The following PDZD8 variants were observed in gnomAD, a reference collection of about 807,000 sequenced individuals.
PDZD8 encodes the protein PDZ domain-containing protein 8.
Under a neutral mutation model 85.8 loss-of-function variants are expected in PDZD8, and 14 were observed. The observed-to-expected ratio is 0.16, with a 90% CI of 0.11 to 0.26. The LOEUF (loss-of-function observed/expected upper bound fraction) is 0.26. Ranked by LOEUF, PDZD8 falls within the 10% of genes least tolerant of loss-of-function variation. PDZD8 has a pLI of 1.00. For synonymous variants in PDZD8, 592 were observed against 568.6 expected (o/e 1.04, Z -0.59); for missense variants, 1,197 against 1,424.3 (o/e 0.84, Z 2.57).
chr10:117,342,743 G>A (rs1434699798), intron 1 of PDZD8, among the ~76,000 whole-genome samples: 1 of 152,166 alleles, frequency 6.6e-6, no homozygotes, highest in Non-Finnish European at 1.5e-5. Flanking sequence ...CTCCCACATG[G>A]CCTCCCAAAG....
At chr10:117,353,375 C>T (rs1844839760) in intron 1 of PDZD8, among the ~76,000 whole-genome samples, 1 of 152,046 alleles carries the variant, frequency 6.6e-6, no homozygotes, top group Admixed American at 6.6e-5. Flanking sequence ...TTATTCCAGT[C>T]CTCCAAGAAA....
At chr10:117,328,761 G>A (rs563560660) in intron 2 of PDZD8, among the ~76,000 whole-genome samples, 2 of 152,100 alleles carry the variant, frequency 1.3e-5, no homozygotes, top group East Asian at 1.9e-4. Flanking sequence ...TCTATTTGCA[G>A]AACAGAAGCT....
chr10:117,309,308 AAG>A (rs1461590326), intron 3 of PDZD8, among the ~76,000 whole-genome samples: 15 of 152,138 alleles, frequency 9.9e-5, no homozygotes, highest in Non-Finnish European at 1.9e-4. Context: ...ATATGAAAAA[AAG>A]AGAGCTTAAA....
intron 1 of PDZD8, among the ~76,000 whole-genome samples, chr10:117,372,977 G>C (rs551947300): frequency 6.5e-4 from 99 of 152,228 alleles, no homozygotes; most frequent in African/African-American, 2.3e-3. Context: ...TAAAAGGCAA[G>C]TAAAATTAGG....
chr10:117,341,428 A>G (rs1379456011), intron 1 of PDZD8, among the ~76,000 whole-genome samples: 1 of 152,168 alleles, frequency 6.6e-6, no homozygotes, highest in African/African-American at 2.4e-5. Context: ...GAGTGTTCCT[A>G]CGGTACAAGA....
intron 3 of PDZD8, among the ~76,000 whole-genome samples, chr10:117,295,734 C>T (rs1843745197): frequency 6.6e-6 from 1 of 151,802 alleles, no homozygotes; most frequent in Admixed American, 6.6e-5. Flanking sequence ...ATCGTGTTAA[C>T]AAAACAATGG....
chr10:117,290,112 A>G (rs1844730813), intron 4 of PDZD8, 74 bp downstream of exon 4: 1 of 1,310,230 alleles, frequency 7.6e-7, no homozygotes, highest in African/African-American at 1.5e-5. Flanking sequence ...GGAAAAAGGA[A>G]GAAAGGAAAA....
At chr10:117,289,567 T>C (rs1844720942) in intron 4 of PDZD8, among the ~76,000 whole-genome samples, 1 of 152,214 alleles carries the variant, frequency 6.6e-6, no homozygotes, top group Non-Finnish European at 1.5e-5. Flanking sequence ...GCAAATAACC[T>C]GCTATCTTCA....
At position 117,374,666 on chromosome 10, in the gene PDZD8, C is replaced by T; in HGVS notation, c.562G>A (p.Glu188Lys). ...EGEALPAACPEELAFEAEVEY... is the reference protein window; with the variant it reads ...EGEALPAACPKELAFEAEVEY... Reference sequence around the variant, plus strand: ...ACCTCCGCCTCGAAGGCCAGCTCCTCGGGGCAGGCGGCGGGCAGCGCCTCC... The same window carrying T: ...ACCTCCGCCTCGAAGGCCAGCTCCTTGGGGCAGGCGGCGGGCAGCGCCTCC... Residue 188 changes from glutamate (E) to lysine (K), a missense_variant, in exon 1 of 5, where the codon GAG becomes AAG. By Grantham distance (56) the Glu-to-Lys change is moderately conservative (BLOSUM62 1). This residue lies in a region of PDZD8 where 344 missense variants were observed against 453.6 expected (regional missense o/e 0.76). Coordinates refer to ENST00000334464, the MANE Select transcript of PDZD8 (RefSeq NM_173791.5). The surrounding 1 kb of genome is among the most constrained non-coding windows in gnomAD (Gnocchi z 7.8). 1 of 1,587,116 alleles carries T rather than the reference C, an allele frequency of 6.3e-7. No individual in the cohort carries two copies. Among genetic ancestry groups the T allele is most frequent in the East Asian group, 2.3e-5 (1 of 43,512 alleles).
At chr10:117,319,727 T>C (rs1844196680) in intron 2 of PDZD8, among the ~76,000 whole-genome samples, 1 of 152,128 alleles carries the variant, frequency 6.6e-6, no homozygotes, top group African/African-American at 2.4e-5. Context: ...CGAGATTATA[T>C]AATATAGTTT....
intron 1 of PDZD8, among the ~76,000 whole-genome samples, chr10:117,358,384 G>A (rs1435640292): frequency 6.6e-6 from 1 of 151,982 alleles, no homozygotes; most frequent in East Asian, 1.9e-4. Flanking sequence ...GTAATTGCGG[G>A]TTTTGCCATG....
chr10:117,324,643 A>C (rs1357885825), intron 2 of PDZD8, among the ~76,000 whole-genome samples: 1 of 152,252 alleles, frequency 6.6e-6, no homozygotes, highest in Non-Finnish European at 1.5e-5. Flanking sequence ...GGCCTGGATA[A>C]GAATTTATAA....
At chr10:117,314,818 C>T (rs1844096007) in intron 3 of PDZD8, among the ~76,000 whole-genome samples, 2 of 152,120 alleles carry the variant, frequency 1.3e-5, no homozygotes, top group Admixed American at 6.5e-5. Context: ...TATTTATATA[C>T]CAATATTGTT....
intron 3 of PDZD8, among the ~76,000 whole-genome samples, chr10:117,302,976 A>G (rs1843872537): frequency 6.6e-6 from 1 of 152,196 alleles, no homozygotes; most frequent in African/African-American, 2.4e-5. Context: ...TGCCTTTATC[A>G]GAAGCATGAA....
At chr10:117,330,035 A>C (rs1363207990) in intron 2 of PDZD8, among the ~76,000 whole-genome samples, 1 of 10,846 alleles carries the variant, frequency 9.2e-5, no homozygotes, top group Admixed American at 1.3e-3. Context: ...GGAAGGAGGG[A>C]GGGAGGGAGG....
intron 3 of PDZD8, among the ~76,000 whole-genome samples, chr10:117,297,626 G>GA (rs1401089570): frequency 6.6e-6 from 1 of 152,066 alleles, no homozygotes; most frequent in Non-Finnish European, 1.5e-5. Flanking sequence ...TATTATGGGG[G>GA]ATATATCTGG....
intron 1 of PDZD8, among the ~76,000 whole-genome samples, chr10:117,354,563 T>C (rs1224101534): frequency 1.3e-5 from 2 of 150,692 alleles, no homozygotes; most frequent in African/African-American, 5.0e-5. Context: ...ATCTCACCTG[T>C]TTAACAAATA....
At chr10:117,342,425 CACAT>C (rs1398102522) in intron 1 of PDZD8, among the ~76,000 whole-genome samples, 2,985 of 140,502 alleles carry the variant, frequency 0.021, 103 homozygotes, top group African/African-American at 0.074. Flanking sequence ...CACACACACA[CACAT>C]AGTCAAAAGT....
intron 1 of PDZD8, among the ~76,000 whole-genome samples, chr10:117,373,512 C>CT (rs2133899294): frequency 6.7e-6 from 1 of 149,542 alleles, no homozygotes; most frequent in South Asian, 2.1e-4. Flanking sequence ...AATCCTAACA[C>CT]TTTGGGAGGC....
Sources: allele counts gnomAD v4.1 joint callset (sites outside exome capture counted in the v4.1 genomes callset), GRCh38; gene constraint gnomAD v4.1.1; regional missense constraint gnomAD v4.1.1; non-coding constraint Gnocchi (gnomAD v3.1); transcripts MANE v1.5; gene names NCBI Gene and HGNC (gene_info 2026-07-23, HGNC 2026-07-21).